BCAR3: variants seen among roughly 807,000 people sequenced by gnomAD.
BCAR3 encodes BCAR3 adaptor protein, NSP family member.
BCAR3 carries 37 observed loss-of-function variants against 80.1 expected under a neutral mutation model. The observed-to-expected ratio is 0.46, with a 90% CI of 0.36 to 0.61. The LOEUF is 0.61. Among genes scored for constraint, BCAR3 ranks in the 20% least tolerant of loss-of-function variants. The pLI is 0.00. For missense variants in BCAR3, 978 were observed against 1,068.2 expected (o/e 0.92, Z 1.18); for synonymous variants, 389 against 418.9 (o/e 0.93, Z 0.87).
chr1:93,698,566 C>G (rs1468316680), intron 3 of BCAR3, among the ~76,000 whole-genome samples: 6 of 152,286 alleles, frequency 3.9e-5, no homozygotes, highest in South Asian at 2.1e-4. Context: ...AACCACGAGG[C>G]CTCCGTGGCC....
chr1:93,606,944 C>A (rs1674787846), intron 3 of BCAR3, among the ~76,000 whole-genome samples: 2 of 152,154 alleles, frequency 1.3e-5, no homozygotes, highest in Admixed American at 1.3e-4. Flanking sequence ...TGGACAGCAT[C>A]CGCTGCACTT....
chr1:93,581,890 A>G (rs1673722766), intron 7 of BCAR3, among the ~76,000 whole-genome samples: 1 of 152,246 alleles, frequency 6.6e-6, no homozygotes, highest in South Asian at 2.1e-4. Context: ...ACTCTCCTGT[A>G]GCTTTGGCTT....
chr1:93,588,020 G>A (rs1437747043), intron 5 of BCAR3, among the ~76,000 whole-genome samples: 1 of 152,066 alleles, frequency 6.6e-6, no homozygotes, highest in African/African-American at 2.4e-5. Context: ...CCCATTCCCT[G>A]AGATTCAGAC....
chr1:93,567,666 C>T (rs1673012007), intron 10 of BCAR3, 74 bp downstream of exon 10: 6 of 1,458,732 alleles, frequency 4.1e-6, no homozygotes, highest in Admixed American at 3.5e-5. Flanking sequence ...CTCAGGGCCT[C>T]ATAACATGCC....
At chr1:93,705,279 C>G (rs1649793983) in intron 3 of BCAR3, among the ~76,000 whole-genome samples, 1 of 152,158 alleles carries the variant, frequency 6.6e-6, no homozygotes, top group South Asian at 2.1e-4. Flanking sequence ...TTGGTCCTCC[C>G]TGGACCAATT....
intron 1 of BCAR3, among the ~76,000 whole-genome samples, chr1:93,677,840 TG>T (rs1474508729): frequency 6.6e-6 from 1 of 152,180 alleles, no homozygotes; most frequent in Non-Finnish European, 1.5e-5. Flanking sequence ...TGAGGGCAGA[TG>T]GAGATTTTTA....
intron 3 of BCAR3, among the ~76,000 whole-genome samples, chr1:93,593,499 G>T (rs1482052034): frequency 6.6e-6 from 1 of 151,988 alleles, no homozygotes; most frequent in Non-Finnish European, 1.5e-5. Context: ...CTCCCTGGTA[G>T]CTAGGACTAC....
intron 3 of BCAR3, among the ~76,000 whole-genome samples, chr1:93,697,041 TC>T (rs1481112408): frequency 1.3e-5 from 2 of 152,170 alleles, no homozygotes; most frequent in African/African-American, 4.8e-5. Context: ...CCTCCTCTCC[TC>T]CCTTAGCCTC....
At chr1:93,587,876 A>T (rs1169537774) in intron 5 of BCAR3, among the ~76,000 whole-genome samples, 2 of 151,930 alleles carry the variant, frequency 1.3e-5, no homozygotes, top group Admixed American at 1.3e-4. Flanking sequence ...ATGCACAAAG[A>T]CTCTGAGCTC....
At chr1:93,731,264 G>T (rs1224500375) in intron 2 of BCAR3, among the ~76,000 whole-genome samples, 2 of 152,090 alleles carry the variant, frequency 1.3e-5, no homozygotes, top group Non-Finnish European at 2.9e-5. Flanking sequence ...CCAAATAAAG[G>T]GTGGACTTTA....
At chr1:93,644,411 A>ATTTTGACAG (rs1676088168) in intron 2 of BCAR3, among the ~76,000 whole-genome samples, 1 of 152,218 alleles carries the variant, frequency 6.6e-6, no homozygotes, top group South Asian at 2.1e-4. Flanking sequence ...TGTCAACCAG[A>ATTTTGACAG]AAATGTTTAA....
At chr1:93,623,439 GAC>G (rs1358978289) in intron 3 of BCAR3, among the ~76,000 whole-genome samples, 1 of 152,148 alleles carries the variant, frequency 6.6e-6, no homozygotes, top group Non-Finnish European at 1.5e-5. Flanking sequence ...GCAGGTGAAT[GAC>G]ATGAGACCAA....
chr1:93,737,514 C>T (rs970259848), intron 2 of BCAR3, among the ~76,000 whole-genome samples: 3 of 152,080 alleles, frequency 2.0e-5, no homozygotes, highest in African/African-American at 2.4e-5. Flanking sequence ...TGGCAATCAC[C>T]GGAAGCAAGG....
intron 3 of BCAR3, chr1:93,599,530 C>T (rs1465194128): frequency 6.6e-6 from 1 of 152,098 alleles, no homozygotes; most frequent in African/African-American, 2.4e-5. Flanking sequence ...CACGGAAAAT[C>T]TTTGCCCAGG....
At chr1:93,685,458 C>T (rs1571043852), upstream of BCAR3, among the ~76,000 whole-genome samples, 1 of 152,232 alleles carries the variant, frequency 6.6e-6, no homozygotes, top group African/African-American at 2.4e-5. Flanking sequence ...TTTTTAAAAA[C>T]CACTTAATAT....
At chr1:93,820,254 C>CTA (rs1204148836) in intron 2 of BCAR3, among the ~76,000 whole-genome samples, 1 of 152,196 alleles carries the variant, frequency 6.6e-6, no homozygotes, top group Non-Finnish European at 1.5e-5. Context: ...AGTACTTGTA[C>CTA]TTCTTTAGTT....
At position 93,701,048 on chromosome 1, in the gene BCAR3, G is replaced by A. The variant is rs140498573; in HGVS notation, c.-12+5044C>T. ...TTGAGCAGTGGCTCTGCTGCTTGAA[G>A]CTGTGTGACCTTGGGCAAATTCCTT... is the stretch of plus-strand genomic sequence containing the variant. On this transcript the variant is annotated intron_variant, in intron 3 of 13. Transcript: ENST00000370244. 3.9e-3 allele frequency among the ~76,000 whole-genome samples: 598 copies of A among 152,346 alleles called. 7 individuals carry two copies. Among genetic ancestry groups the A allele is most frequent in the African/African-American group, 0.014 (575 of 41,584 alleles).
chr1:93,617,483 A>G (rs957432229), intron 3 of BCAR3, among the ~76,000 whole-genome samples: 6 of 152,170 alleles, frequency 3.9e-5, no homozygotes, highest in African/African-American at 1.4e-4. Context: ...GCCCATGGCT[A>G]GAGGACAGTG....
At chr1:93,679,336 G>A (rs1648644840) in intron 1 of BCAR3, among the ~76,000 whole-genome samples, 1 of 152,158 alleles carries the variant, frequency 6.6e-6, no homozygotes, top group African/African-American at 2.4e-5. Flanking sequence ...AAGTAACTCT[G>A]AGAGTTCACA....
Sources: allele counts gnomAD v4.1 joint callset (sites outside exome capture counted in the v4.1 genomes callset), GRCh38; gene constraint gnomAD v4.1.1; transcripts MANE v1.5; gene names NCBI Gene and HGNC (gene_info 2026-07-23, HGNC 2026-07-21).